TMCC1: variants seen among roughly 807,000 people sequenced by gnomAD.
TMCC1 encodes the protein transmembrane and coiled-coil domain family 1, also known as transmembrane and coiled-coil domains protein 1.
TMCC1 carries 15 observed loss-of-function variants against 52.4 expected under a neutral mutation model. The ratio of observed to expected loss-of-function variants is 0.29; its 90% CI spans 0.19 to 0.44. The LOEUF (loss-of-function observed/expected upper bound fraction) is 0.44. Ranked by LOEUF, TMCC1 falls within the 20% of genes least tolerant of loss-of-function variation. The pLI, the probability that TMCC1 is intolerant of heterozygous loss-of-function variation, is 1.00. For missense variants in TMCC1, 503 were observed against 806.0 expected (o/e 0.62, Z 4.55); for synonymous variants, 279 against 301.9 (o/e 0.92, Z 0.79).
intron 4 of TMCC1, among the ~76,000 whole-genome samples, chr3:129,758,786 C>A (rs892469667): frequency 6.6e-6 from 1 of 152,180 alleles, no homozygotes; most frequent in Non-Finnish European, 1.5e-5. Flanking sequence ...ATTTTCTCAT[C>A]TTACAAAACT....
chr3:129,798,590 A>T (rs1436358732), intron 4 of TMCC1, among the ~76,000 whole-genome samples: 1 of 151,906 alleles, frequency 6.6e-6, no homozygotes, highest in Non-Finnish European at 1.5e-5. Context: ...GTGAAACTTA[A>T]TTTCCCTCAC....
intron 4 of TMCC1, among the ~76,000 whole-genome samples, chr3:129,766,128 AAAG>A (rs2054103959): frequency 6.6e-6 from 1 of 152,218 alleles, no homozygotes; most frequent in Non-Finnish European, 1.5e-5. Flanking sequence ...GAGCAAAGGA[AAAG>A]AAGGCAATGC....
At chr3:129,706,132 C>A (rs1304137718) in intron 4 of TMCC1, among the ~76,000 whole-genome samples, 1 of 143,240 alleles carries the variant, frequency 7.0e-6, no homozygotes, top group Admixed American at 7.1e-5. Context: ...CTCAAGTGAT[C>A]CACCCACCTC....
At chr3:129,752,707 G>T (rs541061337) in intron 4 of TMCC1, among the ~76,000 whole-genome samples, 65 of 151,942 alleles carry the variant, frequency 4.3e-4, no homozygotes, top group African/African-American at 1.5e-3. Context: ...AAAACAGTAA[G>T]TACCAAATGT....
intron 4 of TMCC1, among the ~76,000 whole-genome samples, chr3:129,784,106 GAAGAC>G (rs911157544): frequency 6.6e-6 from 1 of 152,062 alleles, no homozygotes; most frequent in Non-Finnish European, 1.5e-5. Context: ...ATGGGAAAAA[GAAGAC>G]AAGAAGACAA....
At chr3:129,753,141 C>A (rs543276285) in intron 4 of TMCC1, among the ~76,000 whole-genome samples, 1 of 152,300 alleles carries the variant, frequency 6.6e-6, no homozygotes, top group South Asian at 2.1e-4. Context: ...ACATCAGGAT[C>A]TAAAACACAC....
At chr3:129,709,497 A>AAAGAG (rs554837910) in intron 4 of TMCC1, among the ~76,000 whole-genome samples, 3,911 of 63,952 alleles carry the variant, frequency 0.061, 1,000 homozygotes, top group African/African-American at 0.24. Flanking sequence ...AAAAAAAAAA[A>AAAGAG]AGAGAGAGAG....
At chr3:129,786,562 CT>C (rs1164018125) in intron 4 of TMCC1, among the ~76,000 whole-genome samples, 1 of 152,164 alleles carries the variant, frequency 6.6e-6, no homozygotes, top group Non-Finnish European at 1.5e-5. Context: ...CTCTGTGGGA[CT>C]TTTCAAGTCT....
intron 4 of TMCC1, among the ~76,000 whole-genome samples, chr3:129,760,454 CTGTGTGTGTGTGTGTG>C (rs61394124): frequency 2.9e-4 from 37 of 129,050 alleles, no homozygotes; most frequent in South Asian, 8.3e-4. Flanking sequence ...CAGTCTCGCT[CTGTGTGTGTGTGTGTG>C]TGTGTGTGTG....
Position 129,671,221 on chromosome 3 carries a change from G to A in TMCC1, c.620C>T (p.Ala207Val), listed in dbSNP as rs1389797592. 1 of 1,613,888 alleles carries A rather than the reference G, an allele frequency of 6.2e-7. No homozygotes were observed. The highest frequency in any genetic ancestry group is 8.5e-7 in the Non-Finnish European group (1 of 1,179,890). Residue 207 changes from alanine to valine, a missense_variant, in exon 5 of 7, where the codon GCA becomes GTA. Transcript: ENST00000393238. ...GCTGCCATCGGTACTGGAGGCCACT[G>A]CACTGGATGTTTGGGCAAGGCTGCT... ...EVSSLAQTSS[A>V]VASSTDGSIH...
At chr3:129,841,427 A>C (rs2059418891) in intron 2 of TMCC1, among the ~76,000 whole-genome samples, 2 of 152,168 alleles carry the variant, frequency 1.3e-5, no homozygotes, top group Non-Finnish European at 2.9e-5. Context: ...TTTCCACTAA[A>C]AATACAAAAA....
In TMCC1 at chr3:129,653,592, C is replaced by T. The variant is rs555452320; in HGVS notation, c.1647+1376G>A. Among the ~76,000 whole-genome samples the T allele has an allele frequency of 5.8e-3, 889 of 152,202 alleles. 5 individuals carry two copies. The highest frequency in any genetic ancestry group is 0.013 in the African/African-American group (548 of 41,514). On this transcript the variant is annotated intron_variant, in intron 6 of 6. Transcript: ENST00000393238. ...CTGAGTAGCTGGGACTACAGGTGCC[C>T]GCCAACATGCCCGGCTAATTTTTGT...
At chr3:129,826,198 T>C (rs1240884004) in intron 4 of TMCC1, among the ~76,000 whole-genome samples, 1 of 152,114 alleles carries the variant, frequency 6.6e-6, no homozygotes, top group East Asian at 1.9e-4. Context: ...ATATTCTTTT[T>C]ATTTCAAAGA....
chr3:129,686,011 T>A (rs1388515803), intron 4 of TMCC1, among the ~76,000 whole-genome samples: 1 of 152,218 alleles, frequency 6.6e-6, no homozygotes, highest in Non-Finnish European at 1.5e-5. Context: ...ACACTCTCCA[T>A]CTACCTCTAC....
intron 4 of TMCC1, among the ~76,000 whole-genome samples, chr3:129,724,723 C>G (rs530667296): frequency 2.6e-4 from 39 of 152,252 alleles, no homozygotes; most frequent in African/African-American, 8.4e-4. Flanking sequence ...CAAGAGAAAA[C>G]AGGGCAATGC....
rs1306431328 is a variant in TMCC1, at chr3:129,863,501, A to G, written c.-184+16808T>C. ...GAGATTCTACTGAGAAGGTGAAAAG[A>G]AAAAGGGGAAAAGGGCAGAATAAAA... On this transcript the variant is annotated intron_variant, in intron 2 of 6. Transcript: ENST00000393238. Among the ~76,000 whole-genome samples the G allele has an allele frequency of 5.3e-5, 8 of 152,168 alleles. No individual in the cohort carries two copies. In the East Asian group the frequency reaches 1.5e-3, roughly 29 times the overall value.
chr3:129,674,820 A>G lies in TMCC1; in HGVS notation c.577-3556T>C, dbSNP rs574248452. On this transcript the variant is annotated intron_variant, in intron 4 of 6. Coordinates refer to ENST00000393238, the MANE Select transcript of TMCC1 (RefSeq NM_001017395.5). ...TGCTGGCATATTAGGCTGTTCATAT[A>G]CAACAACATAAAATTAGATTTCTCT... Among the ~76,000 whole-genome samples the G allele has an allele frequency of 3.3e-5, 5 of 152,322 alleles. No homozygotes were observed. The East Asian group carries it at 7.7e-4, about 24-fold the overall frequency.
intron 2 of TMCC1, among the ~76,000 whole-genome samples, chr3:129,853,750 A>T (rs1375099053): frequency 6.6e-6 from 1 of 152,188 alleles, no homozygotes; most frequent in Admixed American, 6.5e-5. Flanking sequence ...ACATACCTGA[A>T]GATTGATACA....
At position 129,886,950 on chromosome 3, in the gene TMCC1, T is replaced by TA. The variant is rs1323078496; in HGVS notation, c.-434-6392dup. ...AGACTCCGTCTCAAATAAAATAAAATAAACAAAAAAAACCCCAAAAGGCCA... is the reference window on the plus strand; with the variant it reads ...AGACTCCGTCTCAAATAAAATAAAATAAAACAAAAAAAACCCCAAAAGGCCA... On this transcript the variant is annotated intron_variant, in intron 1 of 6. Coordinates refer to ENST00000393238, the MANE Select transcript of TMCC1 (RefSeq NM_001017395.5). Among the ~76,000 whole-genome samples the TA allele has an allele frequency of 2.0e-5, 3 of 151,270 alleles. No homozygotes were observed. In the East Asian group the frequency reaches 5.8e-4, roughly 29 times the overall value.
Sources: gnomAD v4.1 joint callset for allele counts (sites outside exome capture counted in the v4.1 genomes callset) on GRCh38, gnomAD v4.1.1 for gene constraint, MANE v1.5 for transcripts, NCBI Gene and HGNC (gene_info 2026-07-23, HGNC 2026-07-21) for gene names.